TF: variants seen among roughly 807,000 people sequenced by gnomAD.
TF encodes the protein serotransferrin.
In TF, 55 loss-of-function variants were observed where a neutral mutation model predicts 82.4. The ratio of observed to expected loss-of-function variants is 0.67; its 90% confidence interval spans 0.54 to 0.84. The LOEUF (loss-of-function observed/expected upper bound fraction) is 0.84. Ranked by LOEUF, TF falls within the 40% of genes least tolerant of loss-of-function variation. The pLI, the probability that TF is intolerant of heterozygous loss-of-function variation, is 0.00. For missense variants in TF, 737 were observed against 868.4 expected (o/e 0.85, Z 1.90); for synonymous variants, 332 against 332.6 (o/e 1.00, Z 0.02).
At position 133,763,072 on chromosome 3, in the gene TF, C is replaced by A. The variant is rs550870237; in HGVS notation, c.1204-1110C>A. 8.7e-4 allele frequency among the ~76,000 whole-genome samples: 132 copies of A among 152,202 alleles called. 2 individuals carry two copies. The South Asian group carries it at 0.027, about 32-fold the overall frequency. ...ACAACTACCTTTACCTAACCTGTGA[C>A]TGTATTGTCAGTATAAGGAGTTTTC... On this transcript the variant is annotated intron_variant, in intron 9 of 16. Coordinates refer to ENST00000402696, the MANE Select transcript of TF (RefSeq NM_001063.4).
intron 2 of TF, among the ~76,000 whole-genome samples, chr3:133,750,542 C>T (rs1015941644): frequency 4.6e-5 from 7 of 152,108 alleles, no homozygotes; most frequent in Admixed American, 3.3e-4. Context: ...GTTATTTTGA[C>T]TTGTGAGAGC....
At chr3:133,774,675 A>G (rs989707972) in intron 14 of TF, 13 of 182,042 alleles carry the variant, frequency 7.1e-5, no homozygotes, top group South Asian at 2.3e-4. Flanking sequence ...GTTAATATAG[A>G]GAGATATTCA....
the TF span, among the ~76,000 whole-genome samples, chr3:133,731,807 C>A: frequency 1.2e-4 from 19 of 152,240 alleles, no homozygotes; most frequent in Non-Finnish European, 2.5e-4. Context: ...TATGATGCAG[C>A]TACTCAGTGG....
the TF span, among the ~76,000 whole-genome samples, chr3:133,695,662 T>C: frequency 2.6e-5 from 4 of 152,232 alleles, no homozygotes; most frequent in Non-Finnish European, 4.4e-5. Flanking sequence ...GGAGAGTTTC[T>C]ATGTAAGCAT....
the TF span, among the ~76,000 whole-genome samples, chr3:133,698,551 T>C: frequency 6.6e-6 from 1 of 152,202 alleles, no homozygotes; most frequent in African/African-American, 2.4e-5. Context: ...TCTTTGGTGT[T>C]GCTTGACTCA....
At chr3:133,663,656 G>A in the TF span, among the ~76,000 whole-genome samples, 1 of 152,124 alleles carries the variant, frequency 6.6e-6, no homozygotes, top group Non-Finnish European at 1.5e-5. Context: ...CTCATGTTAT[G>A]GAGATGGGGA....
At chr3:133,678,847 C>G in the TF span, among the ~76,000 whole-genome samples, 68 of 136,154 alleles carry the variant, frequency 5.0e-4, 1 homozygote, top group South Asian at 0.017. Context: ...TTTGGCCCAG[C>G]TATTTTTTGT....
chr3:133,734,713 C>G, the TF span, among the ~76,000 whole-genome samples: 1 of 151,878 alleles, frequency 6.6e-6, no homozygotes, highest in East Asian at 1.9e-4. Flanking sequence ...ATTAAGAACA[C>G]AGCATTGTGT....
the TF span, among the ~76,000 whole-genome samples, chr3:133,723,777 A>G: frequency 6.6e-6 from 1 of 151,646 alleles, no homozygotes; most frequent in African/African-American, 2.4e-5. Flanking sequence ...ATTTAGCATT[A>G]GGTATATCTC....
At chr3:133,776,515 C>A (rs909439126) in intron 15 of TF, among the ~76,000 whole-genome samples, 2 of 152,178 alleles carry the variant, frequency 1.3e-5, no homozygotes, top group African/African-American at 2.4e-5. Context: ...CATTTCCTAG[C>A]TGCTATATGG....
intron 14 of TF, chr3:133,773,396 C>T (rs919244193): frequency 6.6e-6 from 1 of 152,120 alleles, no homozygotes; most frequent in African/African-American, 2.4e-5. Flanking sequence ...CTCTTGGCCT[C>T]ATGATCCGCC....
At chr3:133,682,123 A>T in the TF span, among the ~76,000 whole-genome samples, 2 of 152,332 alleles carry the variant, frequency 1.3e-5, no homozygotes, top group South Asian at 2.1e-4. Flanking sequence ...ACTCCAATGG[A>T]CCTGCAGCTG....
rs1230679356 is a variant in TF at position 133,787,650 on chromosome 3, A to C, written c.*9030A>C. The C allele has an allele frequency of 6.6e-6, 1 of 152,238 alleles. No individual in the cohort carries two copies. Among genetic ancestry groups the C allele is most frequent in the African/African-American group, 2.4e-5 (1 of 41,472 alleles). 9.4% of individuals were successfully genotyped at this position (152,238 alleles called of 1,614,324 possible). On this transcript the variant is annotated 3_prime_UTR_variant, in exon 17 of 17. Coordinates refer to ENST00000402696, the MANE Select transcript of TF (RefSeq NM_001063.4). ...TGTGAACAGTGTTACTTGTTCATTC[A>C]GTTGAGGAAGGTGAGAGGGAAGAAA...
the TF span, among the ~76,000 whole-genome samples, chr3:133,730,451 T>C: frequency 6.6e-6 from 1 of 152,214 alleles, no homozygotes; most frequent in Non-Finnish European, 1.5e-5. Context: ...CTGCTGGCTA[T>C]GGTGGGCTTG....
intron 13 of TF, among the ~76,000 whole-genome samples, chr3:133,770,291 T>A (rs1403382517): frequency 6.6e-6 from 1 of 152,158 alleles, no homozygotes; most frequent in Non-Finnish European, 1.5e-5. Context: ...GTACAAAAAA[T>A]TAAGATTTAG....
At chr3:133,670,397 C>T in the TF span, among the ~76,000 whole-genome samples, 3 of 152,206 alleles carry the variant, frequency 2.0e-5, no homozygotes, top group African/African-American at 7.2e-5. Flanking sequence ...TAACCTTCTG[C>T]TTTGCTATTT....
At chr3:133,748,784 A>G (rs1187897865) in intron 2 of TF, 200 bp downstream of exon 2, 1 of 673,868 alleles carries the variant, frequency 1.5e-6, no homozygotes, top group Non-Finnish European at 2.5e-6. Context: ...AAGCACATTA[A>G]CTTTTGCTTT....
intron 2 of TF, among the ~76,000 whole-genome samples, chr3:133,750,630 T>C (rs2107909595): frequency 6.6e-6 from 1 of 152,222 alleles, no homozygotes; most frequent in East Asian, 1.9e-4. Flanking sequence ...CTGGACGCTG[T>C]GTTTTAGGCC....
Position 133,789,469 on chromosome 3 carries a change from T to G in TF, c.*10849T>G, listed in dbSNP as rs1414502808. ...TAGTTCACAGCCTTCATTGGATTGCTTATTGGGTACACAAAGTAAAATTGG... is the reference window on the plus strand; with the variant it reads ...TAGTTCACAGCCTTCATTGGATTGCGTATTGGGTACACAAAGTAAAATTGG... On this transcript the variant is annotated 3_prime_UTR_variant, in exon 17 of 17. Coordinates refer to ENST00000402696, the MANE Select transcript of TF (RefSeq NM_001063.4). 1 of 152,228 alleles carries G rather than the reference T, an allele frequency of 6.6e-6. No individual in the cohort carries two copies. The allele number at this position is 152,228 out of a possible 1,614,324, so 9.4% of individuals were successfully genotyped here. A position where few individuals can be genotyped will look rare whatever the true frequency, so the allele number is the denominator to read the frequency against.
Sources: allele counts gnomAD v4.1 joint callset (sites outside exome capture counted in the v4.1 genomes callset), GRCh38; gene constraint gnomAD v4.1.1; transcripts MANE v1.5; gene names NCBI Gene and HGNC (gene_info 2026-07-23, HGNC 2026-07-21).